ASTN2: variants seen among roughly 807,000 people sequenced by gnomAD.
ASTN2 encodes astrotactin-2.
ASTN2 carries 54 observed loss-of-function variants against 139.8 expected under a neutral mutation model. The observed-to-expected ratio is 0.39, with a 90% CI of 0.31 to 0.48. ASTN2 has a LOEUF of 0.48. Among genes scored for constraint, ASTN2 ranks in the 20% least tolerant of loss-of-function variants. The pLI, the probability that ASTN2 is intolerant of heterozygous loss-of-function variation, is 0.95. For synonymous variants in ASTN2, 756 were observed against 719.5 expected, an observed-to-expected ratio of 1.05 and a Z score of -0.81; for missense variants, 1,565 against 1,725.1, an observed-to-expected ratio of 0.91 and a Z score of 1.64.
intron 3 of ASTN2, among the ~76,000 whole-genome samples, chr9:117,204,524 G>C (rs1191477562): frequency 1.5e-5 from 1 of 64,872 alleles, no homozygotes; most frequent in African/African-American, 6.4e-5. Flanking sequence ...TTAGCAGACA[G>C]AAAGAGAAAC....
intron 11 of ASTN2, among the ~76,000 whole-genome samples, chr9:116,840,978 C>T (rs1832231421): frequency 1.3e-5 from 2 of 152,022 alleles, no homozygotes; most frequent in Non-Finnish European, 2.9e-5. Flanking sequence ...GACGGGGTGG[C>T]GGCCGGGCAG....
In ASTN2 at chr9:117,414,675, G is replaced by A. The variant is rs1207058258; in HGVS notation, c.264C>T (p.Ala88=). Residue 88 remains alanine (A), a synonymous_variant, in exon 1 of 23, where the codon GCC becomes GCT. Transcript: ENST00000313400. The surrounding 1 kb of genome is among the most constrained non-coding windows in gnomAD (Gnocchi z 4.2). ...ESDIGWSGAR[A]GAGAGTGAGA... ...CGGCCCCGGTCCCAGCCCCGGCCCC[G>A]GCGCGGGCGCCGCTCCAGCCGATGT... The A allele has an allele frequency of 2.4e-6, 3 of 1,252,954 alleles. No homozygotes were observed. Among genetic ancestry groups the A allele is most frequent in the East Asian group, 3.5e-5 (1 of 28,696 alleles). The allele number at this position is 1,252,954 out of a possible 1,614,324, so 77.6% of individuals were successfully genotyped here.
chr9:116,440,514 A>G, intron 22 of ASTN2, 95 bp downstream of exon 22: 1 of 1,191,582 alleles, frequency 8.4e-7, no homozygotes, highest in Middle Eastern at 2.9e-4. Context: ...TATTTACTTG[A>G]TAAAGCCTAG....
chr9:116,780,694 T>C (rs1361722393), intron 13 of ASTN2, among the ~76,000 whole-genome samples: 1 of 152,124 alleles, frequency 6.6e-6, no homozygotes, highest in African/African-American at 2.4e-5. Flanking sequence ...TTCTTTTCCG[T>C]TAGTTCTCTT....
chr9:116,792,816 C>T (rs114921304), intron 13 of ASTN2, among the ~76,000 whole-genome samples: 2,680 of 152,250 alleles, frequency 0.018, 82 homozygotes, highest in African/African-American at 0.061. Flanking sequence ...AACAATTCTT[C>T]ATTCTCAGGC....
intron 10 of ASTN2, among the ~76,000 whole-genome samples, chr9:116,900,821 G>A (rs934585602): frequency 6.6e-6 from 1 of 152,144 alleles, no homozygotes; most frequent in Non-Finnish European, 1.5e-5. Flanking sequence ...GAAATAAGTG[G>A]GAGGGGACAG....
At chr9:117,200,458 C>A (rs112661747) in intron 3 of ASTN2, among the ~76,000 whole-genome samples, 8 of 152,134 alleles carry the variant, frequency 5.3e-5, no homozygotes, top group African/African-American at 1.7e-4. Context: ...AAAGGGAATG[C>A]TTCCAGCTTT....
chr9:116,531,256 G>A (rs182212481), intron 19 of ASTN2, among the ~76,000 whole-genome samples: 169 of 152,232 alleles, frequency 1.1e-3, no homozygotes, highest in Admixed American at 4.3e-3. Flanking sequence ...CCTTTCATTC[G>A]TATTTATGTC....
chr9:116,525,591 A>G (rs1365195768), intron 19 of ASTN2, among the ~76,000 whole-genome samples: 1 of 152,186 alleles, frequency 6.6e-6, no homozygotes, highest in Non-Finnish European at 1.5e-5. Context: ...CATCTCTAAT[A>G]GTGGTCCATG....
At chr9:117,138,693 A>T (rs1357923875) in intron 4 of ASTN2, among the ~76,000 whole-genome samples, 3 of 152,244 alleles carry the variant, frequency 2.0e-5, no homozygotes, top group Non-Finnish European at 4.4e-5. Context: ...AGTGGTCATG[A>T]TGGTGACAAA....
intron 12 of ASTN2, among the ~76,000 whole-genome samples, chr9:116,812,742 G>T (rs1453089406): frequency 1.3e-5 from 2 of 152,118 alleles, no homozygotes; most frequent in Admixed American, 1.3e-4. Context: ...CAATAGTGGT[G>T]CTGGGAATCA....
chr9:116,430,256 T>C (rs1294498268), intron 22 of ASTN2, among the ~76,000 whole-genome samples: 7 of 152,160 alleles, frequency 4.6e-5, no homozygotes. Context: ...GGAAAACATA[T>C]TTGGAGTGAG....
intron 1 of ASTN2, among the ~76,000 whole-genome samples, chr9:117,357,714 A>G (rs1829581137): frequency 6.6e-6 from 1 of 152,168 alleles, no homozygotes; most frequent in African/African-American, 2.4e-5. Flanking sequence ...ATGTTATATC[A>G]TGCCTAACTT....
chr9:116,637,196 C>G (rs1466217400), intron 17 of ASTN2, among the ~76,000 whole-genome samples: 1 of 152,176 alleles, frequency 6.6e-6, no homozygotes, highest in South Asian at 2.1e-4. Context: ...GATTCAGACC[C>G]ATGTGATGAC....
chr9:117,131,986 C>T (rs1323917877), intron 4 of ASTN2, among the ~76,000 whole-genome samples: 1 of 152,074 alleles, frequency 6.6e-6, no homozygotes, highest in East Asian at 1.9e-4. Context: ...TTTATATGGT[C>T]AAATGGCATA....
chr9:116,475,191 T>G (rs1222529272), intron 20 of ASTN2, among the ~76,000 whole-genome samples: 1 of 152,204 alleles, frequency 6.6e-6, no homozygotes, highest in Non-Finnish European at 1.5e-5. Flanking sequence ...CATCTAGATT[T>G]CTGGCTTGGA....
At chr9:116,583,878 C>T (rs1854046955) in intron 19 of ASTN2, 1 of 152,138 alleles carries the variant, frequency 6.6e-6, no homozygotes, top group Admixed American at 6.6e-5. Context: ...GTAGAAGAGA[C>T]CATCTTCATG....
chr9:117,004,409 G>A (rs908596475), intron 7 of ASTN2, among the ~76,000 whole-genome samples: 5 of 152,072 alleles, frequency 3.3e-5, no homozygotes, highest in Non-Finnish European at 5.9e-5. Context: ...GTGAGGCATC[G>A]CACCTGGCCC....
intron 1 of ASTN2, among the ~76,000 whole-genome samples, chr9:117,298,336 A>C (rs2130794973): frequency 6.6e-6 from 1 of 152,278 alleles, no homozygotes; most frequent in East Asian, 1.9e-4. Context: ...TGCTTTCATA[A>C]GGAGGAATAT....
Sources: allele counts gnomAD v4.1 joint callset (sites outside exome capture counted in the v4.1 genomes callset), GRCh38; gene constraint gnomAD v4.1.1; non-coding constraint Gnocchi (gnomAD v3.1); transcripts MANE v1.5; gene names NCBI Gene and HGNC (gene_info 2026-07-23, HGNC 2026-07-21).